TRPC7: variants seen among roughly 807,000 people sequenced by gnomAD.
TRPC7 encodes the protein transient receptor potential cation channel subfamily C member 7, also known as short transient receptor potential channel 7.
A neutral mutation model predicts 90.1 loss-of-function variants in TRPC7; 42 were observed. The observed-to-expected ratio is 0.47, with a 90% CI of 0.36 to 0.60. The LOEUF (loss-of-function observed/expected upper bound fraction) is 0.60. Among genes scored for constraint, TRPC7 ranks in the 20% least tolerant of loss-of-function variants. The probability of loss-of-function intolerance (pLI) is 0.00; values close to 1 mark genes in which losing one functional copy is unlikely to be tolerated. For synonymous variants in TRPC7, 451 were observed against 436.3 expected (o/e 1.03, Z -0.42); for missense variants, 955 against 1,112.3 (o/e 0.86, Z 2.01).
chr5:136,328,370 T>A (rs936900628), intron 2 of TRPC7, among the ~76,000 whole-genome samples: 4 of 152,186 alleles, frequency 2.6e-5, no homozygotes, highest in Non-Finnish European at 5.9e-5. Context: ...TGCAGGAGGC[T>A]TTCCTTTATT....
At chr5:136,261,913 TC>T (rs1473643518) in intron 5 of TRPC7, among the ~76,000 whole-genome samples, 2 of 152,200 alleles carry the variant, frequency 1.3e-5, no homozygotes, top group African/African-American at 4.8e-5. Context: ...CCATCTCTAT[TC>T]CCCCTGCAAA....
chr5:136,247,531 A>G lies in TRPC7; in HGVS notation c.1784T>C (p.Ile595Thr), dbSNP rs762693951. ...IFIMVFVAFMIGMFNLYSYYR... is the reference protein window; with the variant it reads ...IFIMVFVAFMTGMFNLYSYYR... ...GTAAGAGTACAGGTTGAACATCCCA[A>G]TCATGAAGGCCACAAATACCATGAT... Residue 595 changes from isoleucine to threonine, a missense_variant, in exon 7 of 12, where the codon ATT (isoleucine) becomes ACT (threonine). This residue lies in a region of TRPC7 where 296 missense variants were observed against 422.7 expected (regional missense o/e 0.70). Transcript: ENST00000513104. The surrounding 1 kb of genome is among the most constrained non-coding windows in gnomAD (Gnocchi z 4.2). 71 of 1,613,864 alleles carry G rather than the reference A, an allele frequency of 4.4e-5. No homozygotes were observed. Among genetic ancestry groups the G allele is most frequent in the Non-Finnish European group, 5.8e-5 (68 of 1,179,878 alleles).
At chr5:136,350,037 A>C (rs1760140274) in intron 2 of TRPC7, among the ~76,000 whole-genome samples, 3 of 152,202 alleles carry the variant, frequency 2.0e-5, no homozygotes, top group African/African-American at 7.2e-5. Context: ...CCTAGGAGCA[A>C]GAGGCTATCC....
At chr5:136,332,765 A>T (rs1759538531) in intron 2 of TRPC7, among the ~76,000 whole-genome samples, 1 of 152,228 alleles carries the variant, frequency 6.6e-6, no homozygotes, top group Non-Finnish European at 1.5e-5. Flanking sequence ...GAGGTTTCAC[A>T]ATTGCTTAGC....
Position 136,357,092 on chromosome 5 carries a change from T to C in TRPC7, c.296A>G (p.Lys99Arg). The C allele has an allele frequency of 6.2e-7, 1 of 1,614,084 alleles. No individual in the cohort carries two copies. The highest frequency in any genetic ancestry group is 8.5e-7 in the Non-Finnish European group (1 of 1,179,970). ...EHLEVTELLL[K>R]KENLARVGDA... ...CCCCACCCGTGCCAGGTTCTCCTTC[T>C]TCAGCAGCAGCTCCGTGACCTCTAG... The change falls in exon 2 of 12, where the codon AAG (lysine) becomes AGG (arginine). Residue 99 changes from lysine to arginine, a missense_variant. Lys to Arg is a conservative substitution (Grantham distance 26, BLOSUM62 2). Around this residue, in one of 4 missense-constraint regions of TRPC7, gnomAD observed 161 missense variants for 145.7 expected, o/e 1.10. Transcript: ENST00000513104.
intron 2 of TRPC7, among the ~76,000 whole-genome samples, chr5:136,341,806 T>C (rs1328880914): frequency 6.6e-6 from 1 of 152,212 alleles, no homozygotes; most frequent in Non-Finnish European, 1.5e-5. Context: ...TTTCAACCAG[T>C]TACAGATCCA....
At chr5:136,359,436 A>G (rs1760492917) in intron 1 of TRPC7, among the ~76,000 whole-genome samples, 1 of 152,204 alleles carries the variant, frequency 6.6e-6, no homozygotes, top group South Asian at 2.1e-4. Context: ...CTGAACCACC[A>G]TCCACTTTTT....
chr5:136,349,418 T>TGGTGCTGAAGATCCAGTG (rs1322456361), intron 2 of TRPC7, among the ~76,000 whole-genome samples: 2 of 152,190 alleles, frequency 1.3e-5, no homozygotes, highest in African/African-American at 4.8e-5. Flanking sequence ...GGAAAAGTTG[T>TGGTGCTGAAGATCCAGTG]GGTGCTGAAG....
intron 3 of TRPC7, among the ~76,000 whole-genome samples, chr5:136,305,829 G>T (rs1447417932): frequency 6.6e-6 from 1 of 152,124 alleles, no homozygotes; most frequent in African/African-American, 2.4e-5. Flanking sequence ...ACAGACTAAA[G>T]GTCTTTTAAA....
intron 3 of TRPC7, among the ~76,000 whole-genome samples, chr5:136,289,517 G>T (rs559668638): frequency 2.3e-4 from 35 of 152,380 alleles, no homozygotes; most frequent in East Asian, 1.7e-3. Flanking sequence ...GGCTTGGAGG[G>T]TCCTATGCCC....
At chr5:136,313,921 G>C (rs968141924) in intron 3 of TRPC7, among the ~76,000 whole-genome samples, 16 of 152,136 alleles carry the variant, frequency 1.1e-4, no homozygotes, top group Non-Finnish European at 2.1e-4. Flanking sequence ...GGGCCATTTT[G>C]AACTTGGTAA....
At chr5:136,327,486 G>A (rs1056682965) in intron 2 of TRPC7, among the ~76,000 whole-genome samples, 7 of 152,158 alleles carry the variant, frequency 4.6e-5, no homozygotes, top group South Asian at 2.1e-4. Flanking sequence ...GTGGCACATC[G>A]CTCAGAGAAG....
intron 11 of TRPC7, 67 bp from the exon 12 acceptor site, chr5:136,213,671 T>A (rs1580825719): frequency 6.5e-7 from 1 of 1,536,422 alleles, no homozygotes; most frequent in Non-Finnish European, 8.9e-7. Context: ...CCCATGCACA[T>A]GTGGGCATGT....
chr5:136,274,406 C>G (rs1757294477), intron 4 of TRPC7, among the ~76,000 whole-genome samples: 1 of 151,956 alleles, frequency 6.6e-6, no homozygotes, highest in Non-Finnish European at 1.5e-5. Context: ...TCTTTATTCT[C>G]AATTCTGTTA....
intron 1 of TRPC7, among the ~76,000 whole-genome samples, chr5:136,360,864 T>A (rs1331379034): frequency 6.6e-6 from 1 of 152,216 alleles, no homozygotes; most frequent in African/African-American, 2.4e-5. Context: ...TTATTAGCTC[T>A]GACTCCCTCT....
At chr5:136,294,798 C>CA (rs1223307286) in intron 3 of TRPC7, among the ~76,000 whole-genome samples, 2 of 152,140 alleles carry the variant, frequency 1.3e-5, no homozygotes, top group Non-Finnish European at 2.9e-5. Flanking sequence ...GGGTATATAA[C>CA]AAAGGATTAT....
Position 136,233,002 on chromosome 5 carries a change from T to A in TRPC7, c.1845-1453A>T, listed in dbSNP as rs1461360494. On this transcript the variant is annotated intron_variant, in intron 7 of 11. Transcript: ENST00000513104. Reference sequence around the variant, plus strand: ...AGATGTACAAAAATACTGGTACTCGTCACTTGGGCTAAAAATCCAACTCTT... The same window carrying A: ...AGATGTACAAAAATACTGGTACTCGACACTTGGGCTAAAAATCCAACTCTT... 2.0e-5 allele frequency among the ~76,000 whole-genome samples: 3 copies of A among 152,324 alleles called. No homozygotes were observed. The East Asian group carries it at 5.8e-4, about 29-fold the overall frequency.
At chr5:136,227,948 C>A (rs1033421590) in intron 8 of TRPC7, among the ~76,000 whole-genome samples, 1 of 152,170 alleles carries the variant, frequency 6.6e-6, no homozygotes. Context: ...CTAGCATAGG[C>A]CTGGTAGTCA....
chr5:136,356,941 G>A lies in TRPC7; in HGVS notation c.447C>T (p.Asp149=), dbSNP rs200679708. Residue 149 remains aspartate, a synonymous_variant, in exon 2 of 12, where the codon GAC becomes GAT. Transcript: ENST00000513104. ...LSPLEQELRD[D]DFYAYDEDGT... is the part of the protein sequence containing the mutation. ...CGTCCTCGTCGTAGGCATAGAAGTC[G>A]TCGTCGCGCAGCTCCTGTTCCAGCG... The A allele has an allele frequency of 2.5e-6, 4 of 1,613,012 alleles. 1 individual carries two copies. Among genetic ancestry groups the A allele is most frequent in the South Asian group, 1.1e-5 (1 of 91,050 alleles).
Sources: allele counts gnomAD v4.1 joint callset (sites outside exome capture counted in the v4.1 genomes callset), GRCh38; gene constraint gnomAD v4.1.1; regional missense constraint gnomAD v4.1.1; non-coding constraint Gnocchi (gnomAD v3.1); transcripts MANE v1.5; gene names NCBI Gene and HGNC (gene_info 2026-07-23, HGNC 2026-07-21).